Variants in MOXD1 observed in about 807,000 individuals in gnomAD.
MOXD1 encodes the protein monooxygenase DBH like 1, also known as DBH-like monooxygenase protein 1.
In MOXD1, 62 loss-of-function variants were observed where a neutral mutation model predicts 66.6. The observed-to-expected ratio is 0.93, with a 90% confidence interval of 0.76 to 1.15. The LOEUF (loss-of-function observed/expected upper bound fraction) is 1.15, where lower values mean the gene tolerates loss of function less well. MOXD1 is among the 50% of genes most tolerant of loss of function. MOXD1 has a pLI of 0.00. For missense variants in MOXD1, 847 were observed against 754.6 expected (o/e 1.12, Z -1.44); for synonymous variants, 303 against 281.9 (o/e 1.07, Z -0.75).
At chr6:132,370,348 A>G (rs947373724) in intron 4 of MOXD1, among the ~76,000 whole-genome samples, 3 of 152,106 alleles carry the variant, frequency 2.0e-5, no homozygotes, top group Non-Finnish European at 4.4e-5. Flanking sequence ...GAAATCTTGA[A>G]TAAGTTGCAA....
At chr6:132,386,428 C>CA (rs59649740) in intron 1 of MOXD1, among the ~76,000 whole-genome samples, 17 of 86,022 alleles carry the variant, frequency 2.0e-4, no homozygotes, top group East Asian at 1.0e-3. Flanking sequence ...CAAAACAAAA[C>CA]AAAACAAAAA....
At position 132,372,993 on chromosome 6, in the gene MOXD1, C is replaced by G; in HGVS notation, c.416G>C (p.Ser139Thr). 6.2e-7 allele frequency: 1 copy of G among 1,611,692 alleles called. No individual in the cohort carries two copies. The highest frequency in any genetic ancestry group is 8.5e-7 in the Non-Finnish European group (1 of 1,178,462). Residue 139 changes from serine (S) to threonine (T), a missense_variant, in exon 3 of 12, where the codon AGC becomes ACC. Coordinates refer to ENST00000367963, the MANE Select transcript of MOXD1 (RefSeq NM_015529.4). ...CDINDKSITD[S>T]TVRVIWAYHH... Reference sequence around the variant, plus strand: ...GTAGGCCCAGATCACTCTCACAGTGCTATCCTGGGGATCAGACATGGGCAT... The same window carrying G: ...GTAGGCCCAGATCACTCTCACAGTGGTATCCTGGGGATCAGACATGGGCAT...
chr6:132,383,926 C>T (rs1484513607), intron 1 of MOXD1, among the ~76,000 whole-genome samples: 2 of 151,954 alleles, frequency 1.3e-5, no homozygotes, highest in African/African-American at 4.8e-5. Flanking sequence ...AAAAATTAGC[C>T]GGTTGTGGTG....
At position 132,386,787 on chromosome 6, in the gene MOXD1, C is replaced by A. The variant is rs919431648; in HGVS notation, c.265-12010G>T. The stretch of plus-strand genomic sequence containing the variant: ...CAATGCTCATGATCTCACAATCTTA[C>A]AAGGCAATCTACTCAATTTTAATAT... On this transcript the variant is annotated intron_variant, in intron 1 of 11. Transcript: ENST00000367963. 8.6e-5 allele frequency among the ~76,000 whole-genome samples: 13 copies of A among 151,438 alleles called. 1 individual carries two copies. The highest frequency in any genetic ancestry group is 1.8e-4 in the Non-Finnish European group (12 of 67,714).
chr6:132,386,058 G>A (rs1176132981), intron 1 of MOXD1, among the ~76,000 whole-genome samples: 1 of 143,592 alleles, frequency 7.0e-6, no homozygotes, highest in African/African-American at 2.6e-5. Context: ...AGCCGAGATC[G>A]CGCCACTGCA....
intron 1 of MOXD1, among the ~76,000 whole-genome samples, chr6:132,376,503 T>TATATGCACCAGGCCCTGTTTACACCTG (rs1776382354): frequency 7.1e-5 from 5 of 70,190 alleles, no homozygotes; most frequent in East Asian, 8.2e-4. Flanking sequence ...TACAGCTTCT[T>TATATGCACCAGGCCCTGTTTACACCTG]TTTTTTTTTT....
At chr6:132,317,615 G>T (rs1173984973) in intron 9 of MOXD1, among the ~76,000 whole-genome samples, 4 of 152,112 alleles carry the variant, frequency 2.6e-5, no homozygotes, top group African/African-American at 9.7e-5. Context: ...CTGAGGTTTG[G>T]TTGTGTTGGC....
chr6:132,370,965 A>G (rs1037959138), intron 4 of MOXD1, among the ~76,000 whole-genome samples: 1 of 152,178 alleles, frequency 6.6e-6, no homozygotes, highest in Non-Finnish European at 1.5e-5. Flanking sequence ...CCTGAAACAT[A>G]CATAATTATT....
intron 10 of MOXD1, among the ~76,000 whole-genome samples, chr6:132,305,866 G>A (rs999055952): frequency 6.6e-6 from 1 of 152,144 alleles, no homozygotes; most frequent in Non-Finnish European, 1.5e-5. Context: ...AGGGTCAGCA[G>A]CCTTGAATAC....
intron 4 of MOXD1, among the ~76,000 whole-genome samples, chr6:132,352,975 C>T (rs921050735): frequency 3.3e-5 from 5 of 152,054 alleles, no homozygotes; most frequent in South Asian, 2.1e-4. Context: ...TTGCTTTTGA[C>T]GTCCATTTGC....
At chr6:132,308,609 C>T (rs562163361) in intron 10 of MOXD1, among the ~76,000 whole-genome samples, 30 of 152,164 alleles carry the variant, frequency 2.0e-4, no homozygotes, top group African/African-American at 6.0e-4. Context: ...AACATCGATG[C>T]GAAAATACAC....
intron 1 of MOXD1, among the ~76,000 whole-genome samples, chr6:132,385,947 C>CA (rs1385932400): frequency 5.3e-5 from 8 of 149,798 alleles, no homozygotes; most frequent in Non-Finnish European, 5.9e-5. Flanking sequence ...ACTAAAAGTA[C>CA]AAAAAATTAG....
intron 9 of MOXD1, among the ~76,000 whole-genome samples, chr6:132,319,603 A>G (rs778118266): frequency 6.6e-6 from 1 of 152,000 alleles, no homozygotes; most frequent in Non-Finnish European, 1.5e-5. Flanking sequence ...AAATTACAGT[A>G]TCTGTGAGTA....
chr6:132,360,961 T>G (rs1316042346), intron 4 of MOXD1, among the ~76,000 whole-genome samples: 1 of 152,226 alleles, frequency 6.6e-6, no homozygotes, highest in Non-Finnish European at 1.5e-5. Flanking sequence ...CAGGACAAGC[T>G]AAAGACCAAG....
chr6:132,371,933 GA>G (rs1776269979), intron 4 of MOXD1, among the ~76,000 whole-genome samples: 2 of 152,164 alleles, frequency 1.3e-5, no homozygotes, highest in Non-Finnish European at 2.9e-5. Flanking sequence ...TAAGTTCTTT[GA>G]GAGCATGGAT....
chr6:132,322,654 T>G, intron 8 of MOXD1, 25 bp downstream of exon 8: 1 of 1,597,900 alleles, frequency 6.3e-7, no homozygotes. Context: ...TAACAGTCAA[T>G]GAAAAAGAAC....
chr6:132,328,615 G>A lies in MOXD1; in HGVS notation c.664-21C>T, dbSNP rs933147833. On this transcript the variant is annotated intron_variant, in intron 4 of 11. Transcript: ENST00000367963. ...TCAACCTACACGAACATAAATGAGA[G>A]GGAGGACACAATAAATAAGACCACC... is the stretch of plus-strand genomic sequence containing the variant. 5.6e-6 allele frequency: 9 copies of A among 1,608,216 alleles called. No individual in the cohort carries two copies. In the South Asian group the frequency reaches 7.7e-5, roughly 14 times the overall value.
At chr6:132,331,068 GTTCAAGCATGGTTGCA>G (rs1339947370) in intron 4 of MOXD1, among the ~76,000 whole-genome samples, 1 of 152,124 alleles carries the variant, frequency 6.6e-6, no homozygotes, top group African/African-American at 2.4e-5. Context: ...GGTAGTTATC[GTTCAAGCATGGTTGCA>G]TAGTAACAAT....
chr6:132,362,552 T>G (rs887486539), intron 4 of MOXD1, among the ~76,000 whole-genome samples: 2 of 152,190 alleles, frequency 1.3e-5, no homozygotes, highest in Non-Finnish European at 2.9e-5. Context: ...TATCTCTTCG[T>G]GTTTTAGAGC....
Sources: gnomAD v4.1 joint callset for allele counts (sites outside exome capture counted in the v4.1 genomes callset) on GRCh38, gnomAD v4.1.1 for gene constraint, MANE v1.5 for transcripts, NCBI Gene and HGNC (gene_info 2026-07-23, HGNC 2026-07-21) for gene names.